TET1: variants seen among roughly 807,000 people sequenced by gnomAD.
TET1 encodes methylcytosine dioxygenase TET1.
A neutral mutation model predicts 148.7 loss-of-function variants in TET1; 13 were observed. The observed-to-expected ratio is 0.09, with a 90% CI of 0.06 to 0.14. The LOEUF (loss-of-function observed/expected upper bound fraction) is 0.14. Ranked by LOEUF, TET1 falls within the 10% of genes least tolerant of loss-of-function variation. The pLI, the probability that TET1 is intolerant of heterozygous loss-of-function variation, is 1.00. For synonymous variants in TET1, 907 were observed against 937.2 expected (o/e 0.97, Z 0.59); for missense variants, 2,182 against 2,553.8 (o/e 0.85, Z 3.14).
intron 6 of TET1, among the ~76,000 whole-genome samples, chr10:68,660,499 C>A (rs1310741409): frequency 1.3e-5 from 2 of 151,872 alleles, no homozygotes; most frequent in Non-Finnish European, 2.9e-5. Flanking sequence ...CCCAGCCAAG[C>A]CCAGCTAATT....
At position 68,573,003 on chromosome 10, in the gene TET1, G is replaced by C. The variant is rs749194238; in HGVS notation, c.665G>C (p.Arg222Pro). Residue 222 changes from arginine to proline, a missense_variant, in exon 2 of 12, where the codon CGC (arginine) becomes CCC (proline). Arg to Pro is a moderately radical substitution (Grantham distance 103, BLOSUM62 -2). This residue lies in a region of TET1 where 665 missense variants were observed against 672.4 expected (regional missense o/e 0.99). Coordinates refer to ENST00000373644, the MANE Select transcript of TET1 (RefSeq NM_030625.3). ...EILPGPLEGT[R>P]CGEGLFSEET... ...CTTCCTGGGCCACTGGAAGGGACAC[G>C]CTGTGGTGAAGGACTATTCTCTGAA... The C allele has an allele frequency of 1.2e-6, 2 of 1,614,132 alleles. No homozygotes were observed. The highest frequency in any genetic ancestry group is 1.7e-5 in the Admixed American group (1 of 60,010).
chr10:68,629,247 C>T (rs1589091987), intron 3 of TET1, among the ~76,000 whole-genome samples: 1 of 151,866 alleles, frequency 6.6e-6, no homozygotes, highest in Non-Finnish European at 1.5e-5. Context: ...TGCCTGTAAC[C>T]CCAGCTACTT....
intron 1 of TET1, among the ~76,000 whole-genome samples, chr10:68,565,545 A>G (rs2053599428): frequency 6.6e-6 from 1 of 150,850 alleles, no homozygotes; most frequent in African/African-American, 2.4e-5. Context: ...ATAATCTATG[A>G]CAGAAGCACT....
intron 3 of TET1, among the ~76,000 whole-genome samples, chr10:68,640,798 G>A (rs942248863): frequency 1.1e-4 from 17 of 151,144 alleles, no homozygotes; most frequent in Non-Finnish European, 1.9e-4. Flanking sequence ...TGATCTGCCC[G>A]CCTTGGCCTC....
intron 3 of TET1, among the ~76,000 whole-genome samples, chr10:68,626,899 C>T (rs2054491705): frequency 1.3e-5 from 2 of 152,096 alleles, no homozygotes; most frequent in African/African-American, 2.4e-5. Flanking sequence ...CTCATTCTAT[C>T]GCCGAGGTTT....
At chr10:68,615,595 C>T (rs147332610) in intron 3 of TET1, among the ~76,000 whole-genome samples, 49 of 151,636 alleles carry the variant, frequency 3.2e-4, no homozygotes, top group African/African-American at 1.1e-3. Context: ...ATCCACCTGC[C>T]TCGGCCTCCC....
Position 68,572,861 on chromosome 10 carries a change from G to A in TET1, c.523G>A (p.Val175Ile). The A allele has an allele frequency of 1.2e-6, 2 of 1,614,114 alleles. No homozygotes were observed. The highest frequency in any genetic ancestry group is 2.2e-5 in the East Asian group (1 of 44,886). ...TCCTGATATAGAGACTCTAATTGGT[G>A]TACAAAATCCCTCTTTACTTAAAGG... ...VLPDIETLIGVQNPSLLKGKS... is the reference protein window; with the variant it reads ...VLPDIETLIGIQNPSLLKGKS... Residue 175 changes from valine to isoleucine, a missense_variant, in exon 2 of 12, where the codon GTA becomes ATA. Val to Ile is a conservative substitution (Grantham distance 29, BLOSUM62 3). Coordinates refer to ENST00000373644, the MANE Select transcript of TET1 (RefSeq NM_030625.3).
At chr10:68,651,735 C>A in intron 4 of TET1, 111 bp from the exon 5 acceptor site, 1 of 661,554 alleles carries the variant, frequency 1.5e-6, no homozygotes, top group Non-Finnish European at 2.4e-6. Context: ...AAAACCTTGT[C>A]AAGATTCATG....
chr10:68,672,864 C>T (rs754940133), intron 7 of TET1, 31 bp from the exon 8 acceptor site: 4 of 1,579,108 alleles, frequency 2.5e-6, no homozygotes, highest in Non-Finnish European at 3.5e-6. Flanking sequence ...AATGCTTCAT[C>T]AATTCACTCT....
chr10:68,561,708 C>G (rs1480303719), intron 1 of TET1, among the ~76,000 whole-genome samples: 1 of 140,600 alleles, frequency 7.1e-6, no homozygotes, highest in Non-Finnish European at 1.6e-5. Flanking sequence ...CCCTCCCTCT[C>G]CCCCGCTCCG....
At chr10:68,626,205 T>A (rs1320383790) in intron 3 of TET1, among the ~76,000 whole-genome samples, 1 of 152,056 alleles carries the variant, frequency 6.6e-6, no homozygotes, top group East Asian at 1.9e-4. Context: ...TTTAAAAATG[T>A]TTTCTTTTTT....
chr10:68,616,107 CTAT>C (rs1350908596), intron 3 of TET1, among the ~76,000 whole-genome samples: 4 of 152,218 alleles, frequency 2.6e-5, no homozygotes, highest in African/African-American at 9.6e-5. Context: ...TGATACAATG[CTAT>C]TATTATTTAA....
intron 6 of TET1, among the ~76,000 whole-genome samples, chr10:68,658,281 G>A (rs1170947233): frequency 3.3e-5 from 5 of 151,146 alleles, no homozygotes; most frequent in Non-Finnish European, 5.9e-5. Context: ...GCACAATCTC[G>A]GCTCACTGCA....
At position 68,674,924 on chromosome 10, in the gene TET1, C is replaced by T. The variant is rs113177477; in HGVS notation, c.4824+1879C>T. 756 of 383,468 alleles carry T rather than the reference C, an allele frequency of 2.0e-3. 1 individual carries two copies. The highest frequency in any genetic ancestry group is 0.015 in the African/African-American group (708 of 46,354). 23.8% of individuals were successfully genotyped at this position (383,468 alleles called of 1,614,324 possible). A position where few individuals can be genotyped will look rare whatever the true frequency, so the allele number is the denominator to read the frequency against. Reference sequence around the variant, plus strand: ...AGACATAGAAAAAATTCTTGCCAATCTATCCTCTCCATGATGTCTTTGTTA... The same window carrying T: ...AGACATAGAAAAAATTCTTGCCAATTTATCCTCTCCATGATGTCTTTGTTA... On this transcript the variant is annotated intron_variant, in intron 8 of 11. Coordinates refer to ENST00000373644, the MANE Select transcript of TET1 (RefSeq NM_030625.3).
At chr10:68,666,157 G>A (rs969462943) in intron 6 of TET1, among the ~76,000 whole-genome samples, 69 of 151,862 alleles carry the variant, frequency 4.5e-4, no homozygotes, top group Non-Finnish European at 1.0e-4. Flanking sequence ...AGACCACTGA[G>A]CAAATTTTAA....
At chr10:68,610,630 T>C (rs1350435700) in intron 3 of TET1, among the ~76,000 whole-genome samples, 2 of 152,144 alleles carry the variant, frequency 1.3e-5, no homozygotes, top group East Asian at 3.9e-4. Flanking sequence ...ATGTTAAATG[T>C]TTAGAACCGC....
intron 2 of TET1, among the ~76,000 whole-genome samples, chr10:68,583,463 C>A (rs1442260451): frequency 6.6e-6 from 1 of 152,154 alleles, no homozygotes; most frequent in East Asian, 1.9e-4. Context: ...AAGACATATC[C>A]AGAAGGTGTT....
At chr10:68,619,213 C>T (rs1177610253) in intron 3 of TET1, among the ~76,000 whole-genome samples, 1 of 151,980 alleles carries the variant, frequency 6.6e-6, no homozygotes, top group African/African-American at 2.4e-5. Context: ...GTAGTATAGA[C>T]ACATGTGTCC....
intron 8 of TET1, among the ~76,000 whole-genome samples, chr10:68,676,445 G>A (rs1036499070): frequency 6.6e-6 from 1 of 150,708 alleles, no homozygotes; most frequent in African/African-American, 2.4e-5. Context: ...CACCACAGCC[G>A]GCTAATTTTC....
Sources: gnomAD v4.1 joint callset for allele counts (sites outside exome capture counted in the v4.1 genomes callset) on GRCh38, gnomAD v4.1.1 for gene constraint, gnomAD v4.1.1 regional missense constraint, MANE v1.5 for transcripts, NCBI Gene and HGNC (gene_info 2026-07-23, HGNC 2026-07-21) for gene names.